HSPA9: variants seen among roughly 807,000 people sequenced by gnomAD.
HSPA9 encodes the protein heat shock protein family A (Hsp70) member 9.
Under a neutral mutation model 81.5 loss-of-function variants are expected in HSPA9, and 28 were observed. The ratio of observed to expected loss-of-function variants is 0.34; its 90% CI spans 0.25 to 0.47. HSPA9 has a LOEUF of 0.47. Among genes scored for constraint, HSPA9 ranks in the 20% least tolerant of loss-of-function variants. The pLI, the probability that HSPA9 is intolerant of heterozygous loss-of-function variation, is 1.00. For synonymous variants in HSPA9, 293 were observed against 290.4 expected, an observed-to-expected ratio of 1.01 and a Z score of -0.09; for missense variants, 678 against 838.0, an observed-to-expected ratio of 0.81 and a Z score of 2.36.
intron 4 of HSPA9, among the ~76,000 whole-genome samples, chr5:138,569,351 G>A (rs1750829450): frequency 6.6e-6 from 1 of 152,204 alleles, no homozygotes; most frequent in South Asian, 2.1e-4. Context: ...AGAATAATTT[G>A]ATGAAACCGT....
chr5:138,573,175 G>T (rs898245527), intron 3 of HSPA9, among the ~76,000 whole-genome samples: 1 of 152,162 alleles, frequency 6.6e-6, no homozygotes, highest in African/African-American at 2.4e-5. Context: ...TTTCAGGTGT[G>T]AGCCACTGTA....
At chr5:138,569,709 A>G (rs1271984689) in intron 4 of HSPA9, among the ~76,000 whole-genome samples, 1 of 152,132 alleles carries the variant, frequency 6.6e-6, no homozygotes, top group Non-Finnish European at 1.5e-5. Flanking sequence ...ATTTTTAAAA[A>G]TATTTAGTTT....
intron 9 of HSPA9, 61 bp from the exon 10 acceptor site, chr5:138,561,850 A>G: frequency 7.7e-7 from 1 of 1,291,004 alleles, no homozygotes. Context: ...TACATTTATT[A>G]TTTCAACTAA....
At chr5:138,557,320 A>G (rs995001142) in intron 14 of HSPA9, 82 bp downstream of exon 14, 7 of 928,434 alleles carry the variant, frequency 7.5e-6, no homozygotes, top group African/African-American at 1.6e-5. Flanking sequence ...TACAGGAGTG[A>G]GACACTGCGC....
At chr5:138,557,062 G>T (rs1018806269) in intron 14 of HSPA9, 196 bp from the exon 15 acceptor site, 2 of 632,518 alleles carry the variant, frequency 3.2e-6, no homozygotes, top group East Asian at 2.8e-5. Context: ...CATCAGAATT[G>T]TGACAGGGAA....
intron 11 of HSPA9, 33 bp from the exon 12 acceptor site, chr5:138,558,690 T>C (rs377283143): frequency 4.5e-6 from 6 of 1,320,336 alleles, no homozygotes; most frequent in Non-Finnish European, 6.6e-6. Context: ...GGGTTGTCAA[T>C]GTGATTAACC....
Position 138,559,976 on chromosome 5 carries a change from G to C in HSPA9, c.1298C>G (p.Thr433Arg). 1.2e-6 allele frequency: 2 copies of C among 1,614,062 alleles called. No individual in the cohort carries two copies. Among genetic ancestry groups the C allele is most frequent in the Non-Finnish European group, 1.7e-6 (2 of 1,179,958 alleles). ...AGTGACATCAAGGAGCAGCACATCC[G>C]TGACATCGCCGGCCAACACACCTCC... ...IQGGVLAGDV[T>R]DVLLLDVTPL... The change falls in exon 11 of 17, where the codon ACG becomes AGG. Residue 433 changes from threonine to arginine, a missense_variant. Physicochemically the swap from Thr to Arg is moderately conservative, Grantham distance 71 (BLOSUM62 -1). Coordinates refer to ENST00000297185, the MANE Select transcript of HSPA9 (RefSeq NM_004134.7).
chr5:138,560,961 T>TAAGAAAA (rs1750645404), intron 10 of HSPA9: 1 of 400,846 alleles, frequency 2.5e-6, no homozygotes, highest in Non-Finnish European at 5.1e-6. Flanking sequence ...ATGGAAAAAT[T>TAAGAAAA]AAGAAAAAAA....
At chr5:138,574,986 A>T in intron 1 of HSPA9, 1 of 587,046 alleles carries the variant, frequency 1.7e-6, no homozygotes, top group Non-Finnish European at 3.0e-6. Flanking sequence ...GGCCATGAGG[A>T]CCACTACCTG....
intron 3 of HSPA9, among the ~76,000 whole-genome samples, chr5:138,571,475 C>T (rs1278960716): frequency 6.6e-6 from 1 of 151,776 alleles, no homozygotes; most frequent in African/African-American, 2.4e-5. Flanking sequence ...TGAGCCAATA[C>T]GCCCAGCCTA....
chr5:138,568,210 C>T (rs1750807412), intron 5 of HSPA9, among the ~76,000 whole-genome samples: 1 of 140,726 alleles, frequency 7.1e-6, no homozygotes. Flanking sequence ...AACCCAAGAT[C>T]GGCCGGCCAG....
At chr5:138,568,806 G>C in intron 5 of HSPA9, 119 bp downstream of exon 5, 1 of 1,076,712 alleles carries the variant, frequency 9.3e-7, no homozygotes, top group South Asian at 1.3e-5. Flanking sequence ...GCCATTCCTA[G>C]TTTTTCTATA....
At chr5:138,562,611 T>C (rs907138097) in intron 9 of HSPA9, among the ~76,000 whole-genome samples, 15 of 152,160 alleles carry the variant, frequency 9.9e-5, no homozygotes, top group African/African-American at 3.4e-4. Context: ...AATGTTTTAA[T>C]AAAGTTTATA....
At chr5:138,558,105 T>C in intron 12 of HSPA9, 119 bp from the exon 13 acceptor site, 1 of 764,188 alleles carries the variant, frequency 1.3e-6, no homozygotes, top group Non-Finnish European at 2.4e-6. Context: ...AACAAGTGAT[T>C]TAATGTACAA....
At chr5:138,565,046 A>C (rs1231621476) in intron 9 of HSPA9, among the ~76,000 whole-genome samples, 1 of 152,238 alleles carries the variant, frequency 6.6e-6, no homozygotes, top group Non-Finnish European at 1.5e-5. Context: ...CTAAGAATTT[A>C]TTCTATAGAT....
In HSPA9 at chr5:138,568,688, T is replaced by A. The variant is rs529699623; in HGVS notation, c.535+237A>T. Among the ~76,000 whole-genome samples the A allele has an allele frequency of 2.0e-5, 3 of 152,132 alleles. No individual in the cohort carries two copies. The East Asian group carries it at 5.8e-4, about 29-fold the overall frequency. On this transcript the variant is annotated intron_variant, in intron 5 of 16. Transcript: ENST00000297185. ...TAATGTGTAGTCTTGTGGCTTTCAATATAGAACATTACCCCCTACTGGAAA... is the reference window on the plus strand; with the variant it reads ...TAATGTGTAGTCTTGTGGCTTTCAAAATAGAACATTACCCCCTACTGGAAA...
In HSPA9 at chr5:138,573,802, G is replaced by C. The variant is rs1751012550; in HGVS notation, c.189C>G (p.Thr63=). The C allele has an allele frequency of 1.2e-6, 2 of 1,613,434 alleles. No individual in the cohort carries two copies. Among genetic ancestry groups the C allele is most frequent in the Non-Finnish European group, 1.7e-6 (2 of 1,179,492 alleles). Residue 63 remains threonine (T), a synonymous_variant, in exon 3 of 17, where the codon ACC becomes ACG. Coordinates refer to ENST00000297185, the MANE Select transcript of HSPA9 (RefSeq NM_004134.7). ...GAVVGIDLGT[T]NSCVAVMEGK... is the part of the protein sequence containing the mutation. Reference sequence around the variant, plus strand: ...CTTCCATAACTGCCACGCAGGAGTTGGTAGTACCCAAATCAATACCAACAA... The same window carrying C: ...CTTCCATAACTGCCACGCAGGAGTTCGTAGTACCCAAATCAATACCAACAA...
At position 138,556,101 on chromosome 5, in the gene HSPA9, C is replaced by T. The variant is rs771270386; in HGVS notation, c.1976G>A (p.Arg659Gln). 28 of 1,613,270 alleles carry T rather than the reference C, an allele frequency of 1.7e-5. No homozygotes were observed. In the East Asian group the frequency reaches 3.1e-4, roughly 18 times the overall value. Reference protein sequence around the residue: ...EMAYKKMASEREGSGSSGTGE... With the variant: ...EMAYKKMASEQEGSGSSGTGE... ...AGTGCCAGAACTTCCAGAGCCTTCTCGCTCAGATGCCATCTGTTAAGAAAA... is the reference window on the plus strand; with the variant it reads ...AGTGCCAGAACTTCCAGAGCCTTCTTGCTCAGATGCCATCTGTTAAGAAAA... The change falls in exon 17 of 17, where the codon CGA becomes CAA. Residue 659 changes from arginine (R) to glutamine (Q), a missense_variant. Transcript: ENST00000297185.
In HSPA9 at chr5:138,574,120, A is replaced by G; in HGVS notation, c.88T>C (p.Trp30Arg). 6.2e-7 allele frequency: 1 copy of G among 1,613,624 alleles called. No individual in the cohort carries two copies. The highest frequency in any genetic ancestry group is 8.5e-7 in the Non-Finnish European group (1 of 1,179,524). The change falls in exon 2 of 17, where the codon TGG becomes CGG. Residue 30 changes from tryptophan (W) to arginine (R), a missense_variant. Trp to Arg is a moderately radical substitution (Grantham distance 101, BLOSUM62 -3). Coordinates refer to ENST00000297185, the MANE Select transcript of HSPA9 (RefSeq NM_004134.7). The part of the protein sequence containing the change: ...GPTAARHQDS[W>R]NGLSHEAFRL... Reference sequence around the variant, plus strand: ...AAAGCCTCATGACTAAGGCCATTCCAGCTATCCTAAAAAAGAAAAAACTGA... The same window carrying G: ...AAAGCCTCATGACTAAGGCCATTCCGGCTATCCTAAAAAAGAAAAAACTGA...
Sources: allele counts gnomAD v4.1 joint callset (sites outside exome capture counted in the v4.1 genomes callset), GRCh38; gene constraint gnomAD v4.1.1; transcripts MANE v1.5; gene names NCBI Gene and HGNC (gene_info 2026-07-23, HGNC 2026-07-21).